Variants in GPC6 observed in about 807,000 individuals in gnomAD.
The protein encoded by GPC6 is glypican-6.
In GPC6, 14 loss-of-function variants were observed where a neutral mutation model predicts 55.2. That is an observed-to-expected ratio of 0.25 (90% CI 0.17 to 0.40). The LOEUF is 0.40. Among genes scored for constraint, GPC6 ranks in the 10% least tolerant of loss-of-function variants. GPC6 has a pLI of 1.00. For missense variants in GPC6, 641 were observed against 708.5 expected, an observed-to-expected ratio of 0.90 and a Z score of 1.08; for synonymous variants, 278 against 259.6, an observed-to-expected ratio of 1.07 and a Z score of -0.68.
intron 1 of GPC6, among the ~76,000 whole-genome samples, chr13:93,238,315 T>G (rs1380761654): frequency 6.6e-6 from 1 of 152,112 alleles, no homozygotes; most frequent in African/African-American, 2.4e-5. Flanking sequence ...TACTTTAAAA[T>G]AAAAATTTTA....
intron 4 of GPC6, among the ~76,000 whole-genome samples, chr13:94,033,576 A>G (rs1284474069): frequency 6.6e-6 from 1 of 152,226 alleles, no homozygotes; most frequent in Non-Finnish European, 1.5e-5. Flanking sequence ...TAGGAGATAA[A>G]ATAGGCAGAA....
chr13:93,858,158 T>G (rs1303843388), intron 3 of GPC6, among the ~76,000 whole-genome samples: 1 of 151,656 alleles, frequency 6.6e-6, no homozygotes, highest in Non-Finnish European at 1.5e-5. Context: ...ATTGATATTT[T>G]TCAGTGCTGA....
chr13:94,385,668 T>C (rs1448284151), intron 7 of GPC6, among the ~76,000 whole-genome samples: 1 of 152,176 alleles, frequency 6.6e-6, no homozygotes, highest in Non-Finnish European at 1.5e-5. Context: ...GGAATCCTAA[T>C]ATTATATTTT....
At chr13:93,985,506 T>TAAAC (rs139276381) in intron 3 of GPC6, among the ~76,000 whole-genome samples, 10 of 150,518 alleles carry the variant, frequency 6.6e-5, no homozygotes, top group East Asian at 2.0e-4. Context: ...TACAAAAATT[T>TAAAC]AAACAAACAA....
chr13:93,766,605 A>T (rs1288154661), intron 2 of GPC6, among the ~76,000 whole-genome samples: 1 of 144,904 alleles, frequency 6.9e-6, no homozygotes, highest in Non-Finnish European at 1.5e-5. Context: ...ATGTCCAAGG[A>T]AAACTATTTT....
intron 4 of GPC6, among the ~76,000 whole-genome samples, chr13:94,098,593 C>T (rs1056198468): frequency 3.3e-5 from 5 of 152,012 alleles, no homozygotes; most frequent in Non-Finnish European, 7.4e-5. Context: ...TTAATGTGGA[C>T]CATAGGACTT....
At chr13:93,256,358 C>T (rs987965769) in intron 1 of GPC6, among the ~76,000 whole-genome samples, 3 of 151,164 alleles carry the variant, frequency 2.0e-5, no homozygotes, top group African/African-American at 4.9e-5. Flanking sequence ...CCTTAAAATG[C>T]GTTTAGTAGG....
At chr13:93,935,515 G>T (rs184067432) in intron 3 of GPC6, among the ~76,000 whole-genome samples, 15 of 152,246 alleles carry the variant, frequency 9.9e-5, no homozygotes, top group Admixed American at 9.8e-4. Flanking sequence ...GGTCACTTAG[G>T]TTGGTTCCAT....
intron 2 of GPC6, among the ~76,000 whole-genome samples, chr13:93,804,264 A>G (rs1444755521): frequency 6.6e-6 from 1 of 152,160 alleles, no homozygotes; most frequent in East Asian, 1.9e-4. Context: ...ATTCTCTTTA[A>G]AAGTGTGTTT....
intron 1 of GPC6, among the ~76,000 whole-genome samples, chr13:93,437,351 C>A (rs73552688): frequency 1.3e-5 from 2 of 152,066 alleles, no homozygotes; most frequent in Admixed American, 1.3e-4. Context: ...GAGGAAGGCA[C>A]GTTGAAAGCC....
chr13:93,971,574 G>A (rs916266366), intron 3 of GPC6, among the ~76,000 whole-genome samples: 5 of 152,168 alleles, frequency 3.3e-5, no homozygotes, highest in African/African-American at 9.7e-5. Flanking sequence ...TCCCACATTG[G>A]TGATAAAAAT....
At chr13:93,494,797 G>A (rs1040011327) in intron 1 of GPC6, among the ~76,000 whole-genome samples, 1 of 149,260 alleles carries the variant, frequency 6.7e-6, no homozygotes, top group Admixed American at 6.7e-5. Context: ...TAGTTTGGCT[G>A]GATATGAAAT....
rs113068534 is a variant in GPC6, at chr13:93,638,850, A to C, written c.319+93429A>C. Among the ~76,000 whole-genome samples, 407 of 152,278 alleles carry C rather than the reference A, an allele frequency of 2.7e-3. 3 individuals are homozygous for C. Among genetic ancestry groups the C allele is most frequent in the African/African-American group, 9.5e-3 (393 of 41,572 alleles). ...CAAAATAACTGGTTAATAATGTTGTAAGTTTTATTTCCTTAAGATAGTCAT... is the reference window on the plus strand; with the variant it reads ...CAAAATAACTGGTTAATAATGTTGTCAGTTTTATTTCCTTAAGATAGTCAT... On this transcript the variant is annotated intron_variant, in intron 2 of 8. Coordinates refer to ENST00000377047, the MANE Select transcript of GPC6 (RefSeq NM_005708.5).
chr13:94,002,384 A>AT lies in GPC6; in HGVS notation c.712-25339dup, dbSNP rs1199393304. Among the ~76,000 whole-genome samples the AT allele has an allele frequency of 1.4e-4, 22 of 152,128 alleles. 1 individual carries two copies. The highest frequency in any genetic ancestry group is 3.4e-4 in the African/African-American group (14 of 41,424). On this transcript the variant is annotated intron_variant, in intron 3 of 8. Transcript: ENST00000377047. ...CATATTAGCCAAAGAATATTTAGCT[A>AT]TTTTTTCTATGCCTACTGATCATGC...
intron 2 of GPC6, among the ~76,000 whole-genome samples, chr13:93,545,637 T>G (rs1874749089): frequency 6.6e-6 from 1 of 152,144 alleles, no homozygotes; most frequent in Admixed American, 6.5e-5. Flanking sequence ...CAAAGAGCTG[T>G]TTTGCATTTG....
At chr13:94,201,312 G>A (rs145016811) in intron 4 of GPC6, among the ~76,000 whole-genome samples, 13 of 152,254 alleles carry the variant, frequency 8.5e-5, no homozygotes, top group African/African-American at 2.9e-4. Flanking sequence ...TGACATTGGC[G>A]CTGCGGGAGG....
chr13:93,453,614 G>A (rs1215576153), intron 1 of GPC6, among the ~76,000 whole-genome samples: 14 of 142,108 alleles, frequency 9.9e-5, no homozygotes, highest in East Asian at 4.2e-4. Flanking sequence ...GGATGTGTTC[G>A]GAGTTTCTTC....
intron 3 of GPC6, among the ~76,000 whole-genome samples, chr13:93,956,034 C>G (rs1019759732): frequency 6.6e-6 from 1 of 152,108 alleles, no homozygotes; most frequent in Non-Finnish European, 1.5e-5. Flanking sequence ...CTACTAGAGC[C>G]ACTCCTGTCT....
At chr13:93,355,997 CT>C (rs1342539004) in intron 1 of GPC6, among the ~76,000 whole-genome samples, 1 of 152,024 alleles carries the variant, frequency 6.6e-6, no homozygotes, top group Non-Finnish European at 1.5e-5. Context: ...GGTGTCTTAG[CT>C]CGAAATAGAG....
Sources: gnomAD v4.1 joint callset for allele counts (sites outside exome capture counted in the v4.1 genomes callset) on GRCh38, gnomAD v4.1.1 for gene constraint, MANE v1.5 for transcripts, NCBI Gene and HGNC (gene_info 2026-07-23, HGNC 2026-07-21) for gene names.